The following KCNQ5 variants were observed in gnomAD, a reference collection of about 807,000 sequenced individuals.
KCNQ5 encodes potassium voltage-gated channel subfamily Q member 5.
Under a neutral mutation model 98.2 loss-of-function variants are expected in KCNQ5, and 30 were observed. The ratio of observed to expected loss-of-function variants is 0.31; its 90% confidence interval spans 0.23 to 0.41. The LOEUF (loss-of-function observed/expected upper bound fraction) is 0.41, where lower values mean the gene tolerates loss of function less well. Ranked by LOEUF, KCNQ5 falls within the 10% of genes least tolerant of loss-of-function variation. The pLI is 1.00. For missense variants in KCNQ5, 835 were observed against 1,182.5 expected (o/e 0.71, Z 4.31); for synonymous variants, 458 against 449.4 (o/e 1.02, Z -0.24).
rs200001927 is a variant in KCNQ5, at chr6:73,129,099, G to T, written c.1248-4322G>T. 4.6e-4 allele frequency among the ~76,000 whole-genome samples: 70 copies of T among 152,192 alleles called. No homozygotes were observed. In the East Asian group the frequency reaches 9.1e-3, roughly 20 times the overall value. The stretch of plus-strand genomic sequence containing the variant: ...CTAAACTCAATAAGACTAGATTTTG[G>T]TTTTTTTCCAACATAGTCAACTTGT... On this transcript the variant is annotated intron_variant, in intron 9 of 13. Transcript: ENST00000370398.
intron 10 of KCNQ5, among the ~76,000 whole-genome samples, chr6:73,147,317 C>G (rs190812149): frequency 1.3e-5 from 2 of 152,158 alleles, no homozygotes; most frequent in East Asian, 3.9e-4. Flanking sequence ...CTGATTTCTG[C>G]ATTAATTTTG....
intron 1 of KCNQ5, among the ~76,000 whole-genome samples, chr6:72,898,633 G>C (rs6909225): frequency 6.6e-6 from 1 of 151,966 alleles, no homozygotes; most frequent in Non-Finnish European, 1.5e-5. Flanking sequence ...TGCAATAAAC[G>C]TAAGTGTGCA....
chr6:72,925,822 T>A (rs1295662589), intron 1 of KCNQ5, among the ~76,000 whole-genome samples: 4 of 152,136 alleles, frequency 2.6e-5, no homozygotes, highest in African/African-American at 9.7e-5. Context: ...AATGGGAACC[T>A]TGTGGGCAAA....
At chr6:73,085,986 G>C (rs897996840) in intron 5 of KCNQ5, among the ~76,000 whole-genome samples, 4 of 152,236 alleles carry the variant, frequency 2.6e-5, no homozygotes, top group Admixed American at 2.0e-4. Flanking sequence ...AAAAAGTATA[G>C]TAGATTAATA....
At chr6:73,126,869 T>G (rs1776008095) in intron 9 of KCNQ5, among the ~76,000 whole-genome samples, 1 of 152,122 alleles carries the variant, frequency 6.6e-6, no homozygotes, top group Non-Finnish European at 1.5e-5. Context: ...AATTCTTGGA[T>G]AGAGTAATAA....
intron 1 of KCNQ5, among the ~76,000 whole-genome samples, chr6:72,665,746 G>C (rs566273394): frequency 1.7e-4 from 26 of 152,234 alleles, no homozygotes; most frequent in Middle Eastern, 3.4e-3. Context: ...GCCGCATGAG[G>C]GTGATTATAG....
At chr6:73,044,899 G>T (rs767519908) in intron 3 of KCNQ5, among the ~76,000 whole-genome samples, 1 of 152,150 alleles carries the variant, frequency 6.6e-6, no homozygotes, top group Non-Finnish European at 1.5e-5. Context: ...AATATTTTTA[G>T]AAGTGTTGAG....
intron 1 of KCNQ5, among the ~76,000 whole-genome samples, chr6:72,723,477 C>T (rs1422420122): frequency 6.6e-6 from 1 of 152,076 alleles, no homozygotes; most frequent in Non-Finnish European, 1.5e-5. Flanking sequence ...ACTGGATAAA[C>T]ATCTAATATT....
chr6:73,021,136 T>A (rs1421570383), intron 2 of KCNQ5, among the ~76,000 whole-genome samples: 3 of 152,210 alleles, frequency 2.0e-5, no homozygotes, highest in African/African-American at 7.2e-5. Flanking sequence ...CAGGAGTTGT[T>A]ACATTCCCTA....
intron 1 of KCNQ5, among the ~76,000 whole-genome samples, chr6:72,897,104 G>A (rs1468771653): frequency 3.3e-5 from 5 of 152,094 alleles, no homozygotes; most frequent in African/African-American, 1.2e-4. Flanking sequence ...GGTAACGATG[G>A]GAAGAGCAGA....
intron 3 of KCNQ5, among the ~76,000 whole-genome samples, chr6:73,064,524 C>CT (rs563705538): frequency 1.8e-4 from 26 of 145,524 alleles, no homozygotes; most frequent in East Asian, 6.0e-4. Flanking sequence ...GAATCCAAAT[C>CT]TTTTTTTTTT....
chr6:72,770,216 A>G (rs1031255874), intron 1 of KCNQ5, among the ~76,000 whole-genome samples: 1 of 152,170 alleles, frequency 6.6e-6, no homozygotes, highest in Non-Finnish European at 1.5e-5. Context: ...TTTGTTGTCA[A>G]TAATCCAAAA....
At chr6:73,019,073 T>C (rs986210143) in intron 2 of KCNQ5, among the ~76,000 whole-genome samples, 2 of 152,106 alleles carry the variant, frequency 1.3e-5, no homozygotes, top group African/African-American at 4.8e-5. Flanking sequence ...CTACCTGTGA[T>C]ATATGACAGG....
chr6:72,800,912 C>A (rs964323963), intron 1 of KCNQ5, among the ~76,000 whole-genome samples: 1 of 151,994 alleles, frequency 6.6e-6, no homozygotes. Flanking sequence ...GCAGGTTGTT[C>A]AGTTTCCATG....
chr6:72,958,643 C>T (rs534883696), intron 1 of KCNQ5, among the ~76,000 whole-genome samples: 1 of 152,096 alleles, frequency 6.6e-6, no homozygotes, highest in Non-Finnish European at 1.5e-5. Context: ...CCATATGAGG[C>T]CTAACATATG....
intron 1 of KCNQ5, among the ~76,000 whole-genome samples, chr6:72,737,122 G>A (rs9293906): frequency 0.37 from 56,569 of 151,798 alleles, 13,994 homozygotes; most frequent in African/African-American, 0.68. Flanking sequence ...CATCACGCCC[G>A]GCTAATTTCT....
intron 1 of KCNQ5, among the ~76,000 whole-genome samples, chr6:72,650,032 T>C (rs1019592635): frequency 6.6e-5 from 10 of 152,248 alleles, no homozygotes; most frequent in Admixed American, 3.9e-4. Context: ...CTAATGACTG[T>C]TTTATAATGT....
chr6:73,168,690 C>G (rs759343304), intron 10 of KCNQ5, among the ~76,000 whole-genome samples: 7 of 151,488 alleles, frequency 4.6e-5, no homozygotes, highest in African/African-American at 1.7e-4. Context: ...CCAGCCTGAG[C>G]GACAAAACAA....
intron 1 of KCNQ5, among the ~76,000 whole-genome samples, chr6:72,903,334 T>C (rs1562057957): frequency 6.6e-6 from 1 of 152,184 alleles, no homozygotes; most frequent in Non-Finnish European, 1.5e-5. Context: ...TTCATTTAGT[T>C]CTGCTCTGAT....
Sources: allele counts gnomAD v4.1 joint callset (sites outside exome capture counted in the v4.1 genomes callset), GRCh38; gene constraint gnomAD v4.1.1; transcripts MANE v1.5; gene names NCBI Gene and HGNC (gene_info 2026-07-23, HGNC 2026-07-21).